The following FASTKD2 variants were observed in gnomAD, a reference collection of about 807,000 sequenced individuals.
FASTKD2 encodes FAST kinase domains 2.
FASTKD2 carries 51 observed loss-of-function variants against 63.6 expected under a neutral mutation model. The ratio of observed to expected loss-of-function variants is 0.80; its 90% CI spans 0.64 to 1.01. FASTKD2 has a LOEUF of 1.01. Ranked by LOEUF, FASTKD2 falls within the 50% of genes least tolerant of loss-of-function variation. The pLI is 0.00. For missense variants in FASTKD2, 786 were observed against 831.1 expected, an observed-to-expected ratio of 0.95 and a Z score of 0.67; for synonymous variants, 284 against 293.4, an observed-to-expected ratio of 0.97 and a Z score of 0.33.
chr2:206,790,727 T>C, intron 11 of FASTKD2, 41 bp downstream of exon 11: 1 of 1,146,702 alleles, frequency 8.7e-7, no homozygotes. Flanking sequence ...TAATTACTGA[T>C]GTACATTCTA....
intron 7 of FASTKD2, among the ~76,000 whole-genome samples, chr2:206,775,748 C>T (rs1689808157): frequency 6.6e-6 from 1 of 151,778 alleles, no homozygotes; most frequent in Non-Finnish European, 1.5e-5. Context: ...GCAGTTTGGT[C>T]CTGGGCTTTT....
chr2:206,783,202 C>G (rs1690039169), intron 7 of FASTKD2: 1 of 151,754 alleles, frequency 6.6e-6, no homozygotes, highest in Admixed American at 6.6e-5. Context: ...TTTCCTGTGT[C>G]TTCCCTAATT....
At chr2:206,769,607 T>C (rs1689612454) in intron 2 of FASTKD2, among the ~76,000 whole-genome samples, 1 of 152,176 alleles carries the variant, frequency 6.6e-6, no homozygotes, top group Non-Finnish European at 1.5e-5. Context: ...ATCAGAAGAC[T>C]CACAAGTAAA....
Position 206,785,592 on chromosome 2 carries a change from G to C in FASTKD2, c.1428-1141G>C, listed in dbSNP as rs564466670. 3.0e-4 allele frequency among the ~76,000 whole-genome samples: 45 copies of C among 152,166 alleles called. No individual in the cohort carries two copies. In the South Asian group the frequency reaches 9.2e-3, roughly 31 times the overall value. On this transcript the variant is annotated intron_variant, in intron 7 of 11. Transcript: ENST00000402774. ...GGAGTGGGGCAAGAGAAGACCAGAG[G>C]GGGGATCATTACCCAGGCTCCCAAC...
intron 7 of FASTKD2, among the ~76,000 whole-genome samples, chr2:206,777,641 T>C (rs1352899556): frequency 6.6e-6 from 1 of 152,196 alleles, no homozygotes; most frequent in East Asian, 1.9e-4. Flanking sequence ...TGTGTCTGGC[T>C]TTGGTATCAG....
chr2:206,774,355 C>T lies in FASTKD2; in HGVS notation c.1385C>T (p.Thr462Ile). The change falls in exon 7 of 12, where the codon ACT becomes ATT. Residue 462 changes from threonine (T) to isoleucine (I), a missense_variant. Thr to Ile is a moderately conservative substitution (Grantham distance 89). Transcript: ENST00000402774. ...NMKNILSILH[T>I]YSSLNHVYKC... is the part of the protein sequence containing the mutation. ...AAAAACATTCTATCTATTCTTCATA[C>T]TTACTCTTCTCTCAATCATGTCTAC... is the stretch of plus-strand genomic sequence containing the variant. The T allele has an allele frequency of 6.2e-7, 1 of 1,604,218 alleles. No homozygotes were observed. The highest frequency in any genetic ancestry group is 8.5e-7 in the Non-Finnish European group (1 of 1,172,220).
chr2:206,790,134 C>G (rs1259124153), intron 10 of FASTKD2: 1 of 157,552 alleles, frequency 6.3e-6, no homozygotes, highest in African/African-American at 2.4e-5. Context: ...ATTTAAACTC[C>G]TATTTCTGTT....
chr2:206,773,436 C>G (rs986218330), intron 6 of FASTKD2, among the ~76,000 whole-genome samples: 4 of 151,550 alleles, frequency 2.6e-5, no homozygotes, highest in African/African-American at 9.7e-5. Context: ...ATGTGACAGG[C>G]TTGGGGTTTT....
intron 7 of FASTKD2, among the ~76,000 whole-genome samples, chr2:206,781,580 T>C (rs12468160): frequency 0.24 from 35,825 of 150,696 alleles, 4,897 homozygotes; most frequent in East Asian, 0.7. Flanking sequence ...CCTCCCAAAG[T>C]GCTGGGATTA....
chr2:206,774,525 CAT>C (rs1279215634), intron 7 of FASTKD2, 128 bp downstream of exon 7: 2 of 668,606 alleles, frequency 3.0e-6, no homozygotes, highest in Non-Finnish European at 5.1e-6. Context: ...ATAAATAAAA[CAT>C]AGTGTTCCTT....
At position 206,792,162 on chromosome 2, in the gene FASTKD2, A is replaced by AT. The variant is rs1344789401; in HGVS notation, c.*363dup. ...TAGTCCTTGTCTTTGGAATCTGAATATTTATACTCCTGCTCTAAGCTGTTC... is the reference window on the plus strand; with the variant it reads ...TAGTCCTTGTCTTTGGAATCTGAATATTTTATACTCCTGCTCTAAGCTGTTC... On this transcript the variant is annotated 3_prime_UTR_variant, in exon 12 of 12. Transcript: ENST00000402774. 2 of 302,870 alleles carry AT rather than the reference A, an allele frequency of 6.6e-6. No homozygotes were observed. The highest frequency in any genetic ancestry group is 1.3e-5 in the Non-Finnish European group (2 of 158,866). 18.8% of individuals were successfully genotyped at this position (302,870 alleles called of 1,614,324 possible). A position where few individuals can be genotyped will look rare whatever the true frequency, so the allele number is the denominator to read the frequency against.
Position 206,788,166 on chromosome 2 carries a change from T to G in FASTKD2, c.1813+11T>G. ...ACAATTATCATATTGGTATGGGACATTATATGATTTCCTTTCATTTTATTG... is the reference window on the plus strand; with the variant it reads ...ACAATTATCATATTGGTATGGGACAGTATATGATTTCCTTTCATTTTATTG... On this transcript the variant is annotated intron_variant, in intron 9 of 11. Coordinates refer to ENST00000402774, the MANE Select transcript of FASTKD2 (RefSeq NM_001136193.2). The G allele has an allele frequency of 6.6e-7, 1 of 1,514,030 alleles. No homozygotes were observed. The highest frequency in any genetic ancestry group is 9.1e-7 in the Non-Finnish European group (1 of 1,100,488). 93.8% of individuals were successfully genotyped at this position (1,514,030 alleles called of 1,614,324 possible).
chr2:206,791,601 C>G (rs1690287363), intron 11 of FASTKD2, 82 bp from the exon 12 acceptor site: 1 of 1,332,526 alleles, frequency 7.5e-7, no homozygotes, highest in Non-Finnish European at 1.1e-6. Context: ...CCTCATGTTA[C>G]TTTACTATGT....
At chr2:206,775,924 G>A (rs542532724) in intron 7 of FASTKD2, among the ~76,000 whole-genome samples, 23 of 151,624 alleles carry the variant, frequency 1.5e-4, no homozygotes, top group African/African-American at 2.2e-4. Context: ...GATAATGGCC[G>A]TCCTAACAGA....
At chr2:206,788,218 A>T (rs996213672) in intron 9 of FASTKD2, 63 bp downstream of exon 9, 38 of 1,165,824 alleles carry the variant, frequency 3.3e-5, no homozygotes, top group Non-Finnish European at 4.4e-5. Flanking sequence ...TTTCTGACCA[A>T]AAAAATAGGT....
rs762817520 is a variant in FASTKD2 at position 206,771,298 on chromosome 2, C to G, written c.990+8C>G. ...CTTAAGAGGAAACTGGAGGTAAACA[C>G]ATGAATTTTCTCTAGTGGATGAGAT... On this transcript the variant is annotated splice_region_variant and intron_variant, in intron 4 of 11. Coordinates refer to ENST00000402774, the MANE Select transcript of FASTKD2 (RefSeq NM_001136193.2). 20 of 1,495,952 alleles carry G rather than the reference C, an allele frequency of 1.3e-5. No individual in the cohort carries two copies. The South Asian group carries it at 2.3e-4, about 17-fold the overall frequency. 92.7% of individuals were successfully genotyped at this position (1,495,952 alleles called of 1,614,324 possible).
At chr2:206,782,875 G>A (rs1348863863) in intron 7 of FASTKD2, among the ~76,000 whole-genome samples, 1 of 152,068 alleles carries the variant, frequency 6.6e-6, no homozygotes, top group African/African-American at 2.4e-5. Context: ...CCAGCACATA[G>A]TAATTTTTAG....
chr2:206,786,851 T>G lies in FASTKD2; in HGVS notation c.1546T>G (p.Phe516Val). 6.2e-7 allele frequency: 1 copy of G among 1,613,914 alleles called. No individual in the cohort carries two copies. The highest frequency in any genetic ancestry group is 8.5e-7 in the Non-Finnish European group (1 of 1,179,836). The change falls in exon 8 of 12, where the codon TTT becomes GTT. Residue 516 changes from phenylalanine to valine, a missense_variant. Transcript: ENST00000402774. ...GATGAATTACTTTCCCCTGGCTCCT[T>G]TTAATCAGCTTCTGCAAAAAGACAT... ...CLMNYFPLAP[F>V]NQLLQKDIIS...
chr2:206,780,223 G>A (rs917769186), intron 7 of FASTKD2, among the ~76,000 whole-genome samples: 1 of 152,062 alleles, frequency 6.6e-6, no homozygotes, highest in Non-Finnish European at 1.5e-5. Flanking sequence ...ATACTTTCCT[G>A]TGTTTTCACA....
Sources: gnomAD v4.1 joint callset for allele counts (sites outside exome capture counted in the v4.1 genomes callset) on GRCh38, gnomAD v4.1.1 for gene constraint, MANE v1.5 for transcripts, NCBI Gene and HGNC (gene_info 2026-07-23, HGNC 2026-07-21) for gene names.